TRIM25: variants seen among roughly 807,000 people sequenced by gnomAD.
TRIM25 encodes the protein E3 ubiquitin/ISG15 ligase TRIM25.
In TRIM25, 45 loss-of-function variants were observed where a neutral mutation model predicts 65.2. That is an observed-to-expected ratio of 0.69 (90% CI 0.54 to 0.89). TRIM25 has a LOEUF of 0.89. Ranked by LOEUF, TRIM25 falls within the 40% of genes least tolerant of loss-of-function variation. The pLI is 0.00. For missense variants in TRIM25, 714 were observed against 803.7 expected, an observed-to-expected ratio of 0.89 and a Z score of 1.35; for synonymous variants, 321 against 340.4, an observed-to-expected ratio of 0.94 and a Z score of 0.63.
At chr17:56,901,350 A>G in intron 4 of TRIM25, 69 bp downstream of exon 4, 2 of 1,529,314 alleles carry the variant, frequency 1.3e-6, no homozygotes, top group African/African-American at 1.4e-5. Context: ...CTCCCATCCC[A>G]AAACATTTAG....
chr17:56,903,620 C>T (rs7225205), intron 3 of TRIM25, among the ~76,000 whole-genome samples: 32,486 of 151,768 alleles, frequency 0.21, 4,736 homozygotes, highest in African/African-American at 0.42. Context: ...ATCGGCAGGA[C>T]GGTGAATGAA....
At chr17:56,893,084 G>A (rs1201549681) in intron 8 of TRIM25, among the ~76,000 whole-genome samples, 1 of 152,228 alleles carries the variant, frequency 6.6e-6, no homozygotes, top group Non-Finnish European at 1.5e-5. Flanking sequence ...GTGCCAAGGG[G>A]ATTCGCATGT....
chr17:56,908,516 C>T lies in TRIM25; in HGVS notation c.645G>A (p.Gly215=), dbSNP rs1212431252. ...KLTVMYSQIN[G]ASRALDDVRN... ...TCACATCATCCAGTGCTCTCGACGC[C>T]CCGTTGATCTGACTGTACATGACAG... The change falls in exon 2 of 9, where the codon GGG becomes GGA. Residue 215 remains glycine (G), a synonymous_variant. Coordinates refer to ENST00000316881, the MANE Select transcript of TRIM25 (RefSeq NM_005082.5). 1.9e-6 allele frequency: 3 copies of T among 1,613,982 alleles called. No homozygotes were observed. The highest frequency in any genetic ancestry group is 3.3e-5 in the Admixed American group (2 of 60,004).
Position 56,913,809 on chromosome 17 carries a change from T to C in TRIM25, c.180A>G (p.Arg60=). The C allele has an allele frequency of 1.9e-6, 3 of 1,561,392 alleles. No individual in the cohort carries two copies. Among genetic ancestry groups the C allele is most frequent in the Non-Finnish European group, 2.6e-6 (3 of 1,153,246 alleles). Residue 60 remains arginine (R), a synonymous_variant, in exon 1 of 9, where the codon CGA becomes CGG. Transcript: ENST00000316881. This position sits in a 1 kb window ranked among gnomAD's most constrained non-coding sequence, Gnocchi z 6.1. ...CPQCRAVYQA[R]PQLHKNTVLC... is the part of the protein sequence containing the mutation. ...GCACCGTGTTCTTGTGCAGCTGCGG[T>C]CGCGCCTGGTAGACGGCGCGGCACT...
chr17:56,912,654 C>T (rs1567843590), intron 1 of TRIM25: 1 of 152,236 alleles, frequency 6.6e-6, no homozygotes, highest in African/African-American at 2.4e-5. Context: ...CGAACCAACC[C>T]GGGTCACAAT....
Position 56,913,345 on chromosome 17 carries a change from A to G in TRIM25, c.597+47T>C. On this transcript the variant is annotated intron_variant, in intron 1 of 8. Coordinates refer to ENST00000316881, the MANE Select transcript of TRIM25 (RefSeq NM_005082.5). The surrounding 1 kb of genome is among the most constrained non-coding windows in gnomAD (Gnocchi z 6.1). The stretch of plus-strand genomic sequence containing the variant: ...AGGCCCCCGGTGGCCCCTCTGCACC[A>G]CCCATCAGGCCAGGCTGCCCTCTGC... 6.7e-7 allele frequency: 1 copy of G among 1,494,906 alleles called. No individual in the cohort carries two copies. The highest frequency in any genetic ancestry group is 8.9e-7 in the Non-Finnish European group (1 of 1,118,806). The allele number at this position is 1,494,906 out of a possible 1,614,324, so 92.6% of individuals were successfully genotyped here.
At position 56,908,522 on chromosome 17, in the gene TRIM25, G is replaced by A; in HGVS notation, c.639C>T (p.Ile213=). The change falls in exon 2 of 9, where the codon ATC becomes ATT. Residue 213 remains isoleucine, a synonymous_variant. Coordinates refer to ENST00000316881, the MANE Select transcript of TRIM25 (RefSeq NM_005082.5). The part of the protein sequence containing the change: ...RHKLTVMYSQ[I]NGASRALDDV... ...CATCCAGTGCTCTCGACGCCCCGTT[G>A]ATCTGACTGTACATGACAGTTAGTT... is the stretch of plus-strand genomic sequence containing the variant. The A allele has an allele frequency of 3.1e-6, 5 of 1,614,070 alleles. No individual in the cohort carries two copies. The highest frequency in any genetic ancestry group is 4.2e-6 in the Non-Finnish European group (5 of 1,180,038).
chr17:56,895,455 C>G lies in TRIM25; in HGVS notation c.1265-14G>C. ...CTTTGGCTGCAGCTGGGAGAGGAAA[C>G]AGAGAGTGATTTGCAGAACAAACTC... On this transcript the variant is annotated splice_polypyrimidine_tract_variant and intron_variant, in intron 7 of 8. Coordinates refer to ENST00000316881, the MANE Select transcript of TRIM25 (RefSeq NM_005082.5). 6.2e-7 allele frequency: 1 copy of G among 1,614,070 alleles called. No individual in the cohort carries two copies. The highest frequency in any genetic ancestry group is 2.2e-5 in the East Asian group (1 of 44,886).
In TRIM25 at chr17:56,914,042, A is replaced by G. The variant is rs1029999820; in HGVS notation, c.-54T>C. On this transcript the variant is annotated 5_prime_UTR_variant, in exon 1 of 9. Coordinates refer to ENST00000316881, the MANE Select transcript of TRIM25 (RefSeq NM_005082.5). ...CTGCACCCGCGCTCCGAGGCCGCCGAGGAAACGAAACCTAGCTCGAGAGGA... is the reference window on the plus strand; with the variant it reads ...CTGCACCCGCGCTCCGAGGCCGCCGGGGAAACGAAACCTAGCTCGAGAGGA... The G allele has an allele frequency of 2.3e-6, 3 of 1,289,998 alleles. No homozygotes were observed. The highest frequency in any genetic ancestry group is 3.0e-6 in the Non-Finnish European group (3 of 992,590). 79.9% of individuals were successfully genotyped at this position (1,289,998 alleles called of 1,614,324 possible). A position where few individuals can be genotyped will look rare whatever the true frequency, so the allele number is the denominator to read the frequency against.
Position 56,896,029 on chromosome 17 carries a change from T to C in TRIM25, c.1154-77A>G, listed in dbSNP as rs541028876. 135 of 1,421,428 alleles carry C rather than the reference T, an allele frequency of 9.5e-5. 1 individual carries two copies. In the East Asian group the frequency reaches 2.8e-3, roughly 29 times the overall value. The allele number at this position is 1,421,428 out of a possible 1,614,324, so 88.1% of individuals were successfully genotyped here. On this transcript the variant is annotated intron_variant, in intron 5 of 8. Transcript: ENST00000316881. ...CATTTTCAAAATAATAACATTCATG[T>C]GCATGAATTTGACCCAGACAAATAA...
intron 5 of TRIM25, among the ~76,000 whole-genome samples, chr17:56,898,741 T>C (rs1053195109): frequency 3.1e-4 from 47 of 149,910 alleles, no homozygotes; most frequent in African/African-American, 1.1e-3. Flanking sequence ...AACATGGTAA[T>C]AGCAGAAGCC....
chr17:56,901,284 C>T lies in TRIM25; in HGVS notation c.1087+135G>A, dbSNP rs535522679. On this transcript the variant is annotated intron_variant, in intron 4 of 8. Transcript: ENST00000316881. ...TCCCCACCAGCCTCCAGACAGAGGG[C>T]GGATGTTTCAGGAGCCCTGAAACTC... 2.2e-5 allele frequency: 22 copies of T among 990,104 alleles called. 1 individual carries two copies. Among genetic ancestry groups the T allele is most frequent in the Middle Eastern group, 3.4e-4 (1 of 2,920 alleles). The allele number at this position is 990,104 out of a possible 1,614,324, so 61.3% of individuals were successfully genotyped here. A position where few individuals can be genotyped will look rare whatever the true frequency, so the allele number is the denominator to read the frequency against.
intron 2 of TRIM25, among the ~76,000 whole-genome samples, chr17:56,907,588 C>A (rs1471786458): frequency 6.6e-6 from 1 of 152,148 alleles, no homozygotes; most frequent in African/African-American, 2.4e-5. Flanking sequence ...TATCGAAAAT[C>A]TGAAAAACAG....
intron 1 of TRIM25, among the ~76,000 whole-genome samples, chr17:56,911,213 A>G (rs1909621258): frequency 6.6e-6 from 1 of 151,990 alleles, no homozygotes; most frequent in South Asian, 2.1e-4. Context: ...GGTTATAGTG[A>G]GCTATGATCA....
In TRIM25 at chr17:56,904,267, G is replaced by A. The variant is rs755534093; in HGVS notation, c.915C>T (p.Phe305=). The change falls in exon 3 of 9, where the codon TTC becomes TTT. Residue 305 remains phenylalanine (F), a synonymous_variant. Transcript: ENST00000316881. ...IEQSLTKRDE[F]EFLEKASKLR... is the part of the protein sequence containing the mutation. ...TGTGGCGACCTACCTCCAGAAACTCGAACTCATCCCTCTTGGTCAGGCTCT... is the reference window on the plus strand; with the variant it reads ...TGTGGCGACCTACCTCCAGAAACTCAAACTCATCCCTCTTGGTCAGGCTCT... 1.6e-5 allele frequency: 26 copies of A among 1,609,998 alleles called. No homozygotes were observed. In the African/African-American group the frequency reaches 2.8e-4, roughly 18 times the overall value.
In TRIM25 at chr17:56,890,436, T is replaced by C. The variant is rs1191484606; in HGVS notation, c.*1264A>G. The stretch of plus-strand genomic sequence containing the variant: ...TAATTGGCTTAAATGAGGAAGTCAG[T>C]AGAAGGGGCTAGGGCCAGCCCCAGG... On this transcript the variant is annotated 3_prime_UTR_variant, in exon 9 of 9. Transcript: ENST00000316881. 1 of 359,902 alleles carries C rather than the reference T, an allele frequency of 2.8e-6. No individual in the cohort carries two copies. The highest frequency in any genetic ancestry group is 7.4e-5 in the East Asian group (1 of 13,520). The allele number at this position is 359,902 out of a possible 1,614,324, so 22.3% of individuals were successfully genotyped here.
At chr17:56,899,213 G>A (rs375703011) in intron 4 of TRIM25, 33 bp from the exon 5 acceptor site, 56 of 1,613,012 alleles carry the variant, frequency 3.5e-5, no homozygotes, top group Non-Finnish European at 4.7e-5. Flanking sequence ...AGTGTGTGCG[G>A]CTCCTCTCAC....
intron 1 of TRIM25, among the ~76,000 whole-genome samples, chr17:56,910,818 C>T (rs1326795902): frequency 2.0e-5 from 3 of 152,210 alleles, no homozygotes; most frequent in African/African-American, 7.2e-5. Flanking sequence ...GCAACCCAGC[C>T]CCCGAGGCTA....
intron 5 of TRIM25, among the ~76,000 whole-genome samples, chr17:56,897,576 C>T (rs1309139004): frequency 6.6e-6 from 1 of 152,130 alleles, no homozygotes; most frequent in Non-Finnish European, 1.5e-5. Flanking sequence ...CATCACCTAC[C>T]CTTAGACATC....
Sources: gnomAD v4.1 joint callset for allele counts (sites outside exome capture counted in the v4.1 genomes callset) on GRCh38, gnomAD v4.1.1 for gene constraint, Gnocchi (gnomAD v3.1) non-coding constraint, MANE v1.5 for transcripts, NCBI Gene and HGNC (gene_info 2026-07-23, HGNC 2026-07-21) for gene names.